The following MAGI2 variants were observed in gnomAD, a reference collection of about 807,000 sequenced individuals.
MAGI2 encodes membrane associated guanylate kinase, WW and PDZ domain containing 2.
Under a neutral mutation model 133.3 loss-of-function variants are expected in MAGI2, and 35 were observed. The observed-to-expected ratio is 0.26, with a 90% CI of 0.20 to 0.35. The LOEUF (loss-of-function observed/expected upper bound fraction) is 0.35. MAGI2 is among the 10% of genes least tolerant of loss of function. The probability of loss-of-function intolerance (pLI) is 1.00; values close to 1 mark genes in which losing one functional copy is unlikely to be tolerated. For missense variants in MAGI2, 1,636 were observed against 1,863.4 expected, an observed-to-expected ratio of 0.88 and a Z score of 2.25; for synonymous variants, 729 against 710.6, an observed-to-expected ratio of 1.03 and a Z score of -0.41.
chr7:78,283,032 TTTA>T (rs1795784251), intron 9 of MAGI2, among the ~76,000 whole-genome samples: 2 of 152,074 alleles, frequency 1.3e-5, no homozygotes. Flanking sequence ...TTATATTGCT[TTTA>T]TTATTATTTT....
chr7:78,602,361 C>T (rs1376487474), intron 3 of MAGI2, among the ~76,000 whole-genome samples: 6 of 151,172 alleles, frequency 4.0e-5, no homozygotes, highest in African/African-American at 1.5e-4. Flanking sequence ...GGTTTCACCA[C>T]GTTGGCCAAG....
At chr7:78,592,997 C>A (rs1453328543) in intron 3 of MAGI2, among the ~76,000 whole-genome samples, 1 of 151,778 alleles carries the variant, frequency 6.6e-6, no homozygotes. Context: ...CCACACCAAG[C>A]ATTTTTGTAT....
At chr7:79,251,333 T>C (rs1024375177) in intron 1 of MAGI2, among the ~76,000 whole-genome samples, 4 of 152,018 alleles carry the variant, frequency 2.6e-5, no homozygotes, top group African/African-American at 7.2e-5. Context: ...TTGCAAACTA[T>C]CCATCTGACA....
chr7:78,399,856 C>G (rs1250800141), intron 6 of MAGI2, among the ~76,000 whole-genome samples: 2 of 128,910 alleles, frequency 1.6e-5, no homozygotes, highest in Non-Finnish European at 1.7e-5. Flanking sequence ...GATAAAAACA[C>G]AAGCGCATGA....
At chr7:79,035,448 A>T (rs1402125969) in intron 1 of MAGI2, among the ~76,000 whole-genome samples, 1 of 152,202 alleles carries the variant, frequency 6.6e-6, no homozygotes, top group Non-Finnish European at 1.5e-5. Flanking sequence ...TCACATAAAC[A>T]TCTGCAACAT....
At chr7:78,658,380 C>G (rs1812539643) in intron 2 of MAGI2, among the ~76,000 whole-genome samples, 1 of 152,072 alleles carries the variant, frequency 6.6e-6, no homozygotes, top group Non-Finnish European at 1.5e-5. Flanking sequence ...AACTATAAAC[C>G]TCTTAGAAGA....
At chr7:78,604,070 A>G (rs1278773062) in intron 3 of MAGI2, among the ~76,000 whole-genome samples, 2 of 152,220 alleles carry the variant, frequency 1.3e-5, no homozygotes, top group Non-Finnish European at 2.9e-5. Flanking sequence ...CTGATGAAAC[A>G]TAATTATGAG....
chr7:78,350,038 T>C (rs1791339023), intron 7 of MAGI2: 1 of 152,230 alleles, frequency 6.6e-6, no homozygotes, highest in Non-Finnish European at 1.5e-5. Flanking sequence ...CATATTTTGC[T>C]AAGAGAATCT....
intron 21 of MAGI2, among the ~76,000 whole-genome samples, chr7:78,065,265 C>T (rs1000905675): frequency 1.3e-5 from 2 of 152,150 alleles, no homozygotes; most frequent in Non-Finnish European, 2.9e-5. Context: ...TGCACTGAAT[C>T]CCAGGGAGGA....
At chr7:78,866,341 T>A (rs1407976334) in intron 2 of MAGI2, among the ~76,000 whole-genome samples, 1 of 151,944 alleles carries the variant, frequency 6.6e-6, no homozygotes, top group Non-Finnish European at 1.5e-5. Flanking sequence ...CAGAGACACT[T>A]GTGAAAGTGA....
At chr7:78,221,241 G>A (rs1179224002) in intron 10 of MAGI2, among the ~76,000 whole-genome samples, 2 of 152,250 alleles carry the variant, frequency 1.3e-5, no homozygotes, top group Admixed American at 6.5e-5. Flanking sequence ...GGCCTCTCTT[G>A]TGGCTTTCTC....
chr7:78,296,748 AACTT>A (rs1182199725), intron 9 of MAGI2, among the ~76,000 whole-genome samples: 2 of 152,310 alleles, frequency 1.3e-5, no homozygotes, highest in South Asian at 4.1e-4. Flanking sequence ...ATCAGAGGGA[AACTT>A]ACTTATACTT....
intron 1 of MAGI2, among the ~76,000 whole-genome samples, chr7:79,403,099 T>G (rs1015838704): frequency 1.3e-5 from 2 of 152,214 alleles, no homozygotes; most frequent in African/African-American, 4.8e-5. Context: ...GTACATATTA[T>G]GCACCTGAAA....
At chr7:78,436,334 T>C (rs1800285175) in intron 6 of MAGI2, among the ~76,000 whole-genome samples, 2 of 152,230 alleles carry the variant, frequency 1.3e-5, no homozygotes, top group South Asian at 4.2e-4. Context: ...ACTTGGATCA[T>C]TCAGGGTGAG....
At chr7:79,109,982 C>T (rs1818783837) in intron 1 of MAGI2, among the ~76,000 whole-genome samples, 1 of 152,250 alleles carries the variant, frequency 6.6e-6, no homozygotes, top group South Asian at 2.1e-4. Flanking sequence ...TTGCTCCTCA[C>T]ATCCTGGCAG....
In MAGI2 at chr7:78,401,713, T is replaced by C. The variant is rs139070693; in HGVS notation, c.1046-32500A>G. On this transcript the variant is annotated intron_variant, in intron 6 of 21. Transcript: ENST00000354212. ...TGGGTAAAATTTATTATAGAATACA[T>C]CGACAGCTGTTAGTAATTTATTTTA... Among the ~76,000 whole-genome samples the C allele has an allele frequency of 5.7e-3, 871 of 152,274 alleles. 8 individuals are homozygous for C. Among genetic ancestry groups the C allele is most frequent in the African/African-American group, 0.019 (804 of 41,570 alleles).
intron 1 of MAGI2, among the ~76,000 whole-genome samples, chr7:79,094,697 C>T (rs1343491858): frequency 6.6e-6 from 1 of 152,176 alleles, no homozygotes. Flanking sequence ...GGCATGAAAA[C>T]CCATTAATCT....
rs538528111 is a variant in MAGI2 at position 78,775,543 on chromosome 7, C to A, written c.419-148304G>T. On this transcript the variant is annotated intron_variant, in intron 2 of 21. Coordinates refer to ENST00000354212, the MANE Select transcript of MAGI2 (RefSeq NM_012301.4). Reference sequence around the variant, plus strand: ...TTGATTCCCCTTCCTGAAATGACCTCTCCCTTCTTTCTCTATCTATACTTT... The same window carrying A: ...TTGATTCCCCTTCCTGAAATGACCTATCCCTTCTTTCTCTATCTATACTTT... 3.3e-5 allele frequency among the ~76,000 whole-genome samples: 5 copies of A among 152,160 alleles called. No individual in the cohort carries two copies. The East Asian group carries it at 9.7e-4, about 29-fold the overall frequency.
At chr7:78,597,878 A>T (rs1283206174) in intron 3 of MAGI2, among the ~76,000 whole-genome samples, 2 of 151,758 alleles carry the variant, frequency 1.3e-5, no homozygotes, top group Non-Finnish European at 1.5e-5. Flanking sequence ...TTTTCCCCAT[A>T]GAGTGATTTA....
Sources: allele counts gnomAD v4.1 joint callset (sites outside exome capture counted in the v4.1 genomes callset), GRCh38; gene constraint gnomAD v4.1.1; transcripts MANE v1.5; gene names NCBI Gene and HGNC (gene_info 2026-07-23, HGNC 2026-07-21).